Variants in ADAT1 observed in about 807,000 individuals in gnomAD.
The protein encoded by ADAT1 is tRNA-specific adenosine deaminase 1.
A neutral mutation model predicts 58.6 loss-of-function variants in ADAT1; 58 were observed. The ratio of observed to expected loss-of-function variants is 0.99; its 90% confidence interval spans 0.80 to 1.23. The LOEUF (loss-of-function observed/expected upper bound fraction) is 1.23, where lower values mean the gene tolerates loss of function less well. Ranked by LOEUF, ADAT1 falls within the 50% of genes most tolerant of loss-of-function variation. The probability of loss-of-function intolerance (pLI) is 0.00; values close to 1 mark genes in which losing one functional copy is unlikely to be tolerated. For synonymous variants in ADAT1, 254 were observed against 220.8 expected, an observed-to-expected ratio of 1.15 and a Z score of -1.33; for missense variants, 741 against 608.6, an observed-to-expected ratio of 1.22 and a Z score of -2.29.
rs184232275 is a variant in ADAT1 at position 75,604,638 on chromosome 16, A to C, written c.1290-1467T>G. 1.6e-4 allele frequency among the ~76,000 whole-genome samples: 24 copies of C among 151,714 alleles called. No individual in the cohort carries two copies. In the East Asian group the frequency reaches 4.5e-3, roughly 28 times the overall value. On this transcript the variant is annotated intron_variant, in intron 8 of 9. Coordinates refer to ENST00000564657, the MANE Select transcript of ADAT1 (RefSeq NM_001324445.2). ...GGACTCGGGAAGAGTACTTAAATTT[A>C]TAAAGCGCAACTATAAAAAACCTAT...
intron 9 of ADAT1, among the ~76,000 whole-genome samples, chr16:75,601,162 G>A (rs1292891937): frequency 6.6e-6 from 1 of 152,046 alleles, no homozygotes; most frequent in Non-Finnish European, 1.5e-5. Flanking sequence ...CCAACATGGT[G>A]AAACCCCATC....
At chr16:75,604,468 T>TAC (rs2081314227) in intron 8 of ADAT1, among the ~76,000 whole-genome samples, 1 of 66,842 alleles carries the variant, frequency 1.5e-5, no homozygotes, top group Non-Finnish European at 2.4e-5. Flanking sequence ...TATATATATA[T>TAC]ATATATACAC....
chr16:75,618,130 A>AACCACT (rs1307811162), intron 4 of ADAT1, among the ~76,000 whole-genome samples: 1 of 148,258 alleles, frequency 6.7e-6, no homozygotes, highest in African/African-American at 2.5e-5. Context: ...AAAAAGAGAG[A>AACCACT]ACCACTAGTC....
At chr16:75,618,377 G>C (rs909484165) in intron 4 of ADAT1, among the ~76,000 whole-genome samples, 1 of 151,602 alleles carries the variant, frequency 6.6e-6, no homozygotes, top group Admixed American at 6.6e-5. Context: ...ATGGTGGCAC[G>C]GGCCTGTAGT....
At position 75,597,026 on chromosome 16, in the gene ADAT1, C is replaced by G. The variant is rs903394099; in HGVS notation, c.*3190G>C. 2 of 153,732 alleles carry G rather than the reference C, an allele frequency of 1.3e-5. No homozygotes were observed. Among genetic ancestry groups the G allele is most frequent in the African/African-American group, 4.8e-5 (2 of 41,424 alleles). 9.5% of individuals were successfully genotyped at this position (153,732 alleles called of 1,614,324 possible). The stretch of plus-strand genomic sequence containing the variant: ...AATGTTCAGAATAGACAAATCCAAA[C>G]AGACAGAAAGTAGATTACTGATTGC... On this transcript the variant is annotated 3_prime_UTR_variant, in exon 10 of 10. Transcript: ENST00000564657.
chr16:75,600,300 A>C lies in ADAT1; in HGVS notation c.1425T>G (p.Ser475=). The C allele has an allele frequency of 6.2e-7, 1 of 1,614,076 alleles. No homozygotes were observed. The highest frequency in any genetic ancestry group is 1.1e-5 in the South Asian group (1 of 91,080). The change falls in exon 10 of 10, where the codon TCT becomes TCG. Residue 475 remains serine, a synonymous_variant. Transcript: ENST00000564657. ...TYQEYKEAAS[S]YQEAWSTLRK... is the part of the protein sequence containing the mutation. ...GGAGTGTGCTCCAGGCTTCCTGGTA[A>C]GAGGACGCAGCCTCCTTGTACTCCT...
intron 6 of ADAT1, among the ~76,000 whole-genome samples, chr16:75,609,750 C>A (rs1395022725): frequency 8.5e-5 from 13 of 152,140 alleles, no homozygotes; most frequent in African/African-American, 3.1e-4. Flanking sequence ...GTTGCTCAGA[C>A]TGGAGTGCAG....
Position 75,604,488 on chromosome 16 carries a change from C to T in ADAT1, c.1290-1317G>A, listed in dbSNP as rs866926860. On this transcript the variant is annotated intron_variant, in intron 8 of 9. Coordinates refer to ENST00000564657, the MANE Select transcript of ADAT1 (RefSeq NM_001324445.2). ...ATATATATATATACACACACACACACACACACACACACACACACACACACA... is the reference window on the plus strand; with the variant it reads ...ATATATATATATACACACACACACATACACACACACACACACACACACACA... 2.7e-3 allele frequency among the ~76,000 whole-genome samples: 312 copies of T among 117,042 alleles called. 1 individual carries two copies. Among genetic ancestry groups the T allele is most frequent in the African/African-American group, 9.1e-3 (240 of 26,450 alleles). The allele number at this position is 117,042 out of a possible 152,430, so 76.8% of individuals were successfully genotyped here.
rs2151787667 is a variant in ADAT1, at chr16:75,620,757, A to T, written c.43T>A (p.Tyr15Asn). 1 of 1,614,192 alleles carries T rather than the reference A, an allele frequency of 6.2e-7. No individual in the cohort carries two copies. The highest frequency in any genetic ancestry group is 2.2e-5 in the East Asian group (1 of 44,880). ...DEIAQLCYEH[Y>N]GIRLPKKGKP... ...CCCTTCTTGGGCAGCCTGATCCCAT[A>T]GTGTTCATAGCATAGCTGAGCAATC... Residue 15 changes from tyrosine to asparagine, a missense_variant, in exon 2 of 10, where the codon TAT (tyrosine) becomes AAT (asparagine). Coordinates refer to ENST00000564657, the MANE Select transcript of ADAT1 (RefSeq NM_001324445.2).
rs1053254506 is a variant in ADAT1, at chr16:75,622,953, C to G, written c.-572G>C. On this transcript the variant is annotated 5_prime_UTR_variant, in exon 1 of 10. Transcript: ENST00000564657. ...AGCCTGGGTGGGACCCCGAGTCGGC[C>G]AGTTACAGGATAGGAGGTGCCAGGC... 2 of 152,318 alleles carry G rather than the reference C, an allele frequency of 1.3e-5. No homozygotes were observed. The highest frequency in any genetic ancestry group is 4.8e-5 in the African/African-American group (2 of 41,466). The allele number at this position is 152,318 out of a possible 1,614,324, so 9.4% of individuals were successfully genotyped here. A position where few individuals can be genotyped will look rare whatever the true frequency, so the allele number is the denominator to read the frequency against.
At chr16:75,600,398 C>A in intron 9 of ADAT1, 50 bp from the exon 10 acceptor site, 1 of 1,600,698 alleles carries the variant, frequency 6.2e-7, no homozygotes, top group Non-Finnish European at 8.5e-7. Flanking sequence ...AATAGCCCAC[C>A]CCAGGGGCCA....
chr16:75,615,243 T>G (rs2081663160), intron 5 of ADAT1, among the ~76,000 whole-genome samples: 1 of 151,250 alleles, frequency 6.6e-6, no homozygotes, highest in Non-Finnish European at 1.5e-5. Flanking sequence ...TCCTTTAAAG[T>G]GAAAGAAATT....
At chr16:75,609,070 C>T in intron 6 of ADAT1, 82 bp from the exon 7 acceptor site, 4 of 1,511,602 alleles carry the variant, frequency 2.6e-6, no homozygotes, top group Non-Finnish European at 3.6e-6. Flanking sequence ...CATCATCACC[C>T]CTGAGCCTTA....
intron 2 of ADAT1, 108 bp from the exon 3 acceptor site, chr16:75,620,442 A>C (rs761482559): frequency 5.5e-6 from 8 of 1,450,864 alleles, no homozygotes; most frequent in Non-Finnish European, 7.7e-6. Context: ...AGGCCCACTC[A>C]ACCAAGGTCT....
chr16:75,603,764 T>C (rs909668884), intron 8 of ADAT1, among the ~76,000 whole-genome samples: 8 of 152,188 alleles, frequency 5.3e-5, no homozygotes, highest in Admixed American at 4.6e-4. Flanking sequence ...TTCTTTTCCC[T>C]CATGTATACA....
At chr16:75,613,598 A>G (rs1219947054) in intron 5 of ADAT1, among the ~76,000 whole-genome samples, 1 of 152,186 alleles carries the variant, frequency 6.6e-6, no homozygotes, top group African/African-American at 2.4e-5. Flanking sequence ...GGTGTGAGCC[A>G]GCGTGCCCGG....
Position 75,612,581 on chromosome 16 carries a change from G to A in ADAT1, c.705C>T (p.Leu235=). The A allele has an allele frequency of 1.9e-6, 3 of 1,614,114 alleles. No individual in the cohort carries two copies. In the South Asian group the frequency reaches 3.3e-5, roughly 18 times the overall value. Residue 235 remains leucine, a synonymous_variant, in exon 6 of 10, where the codon CTC becomes CTT. Transcript: ENST00000564657. The part of the protein sequence containing the change: ...PISPGIHSCD[L]TVEGLATVTR... The stretch of plus-strand genomic sequence containing the variant: ...TGACAGTAGCCAGTCCCTCTACAGT[G>A]AGATCACAGCTGTGGATGCCTGGTG...
At chr16:75,605,532 C>T (rs986296187) in intron 8 of ADAT1, among the ~76,000 whole-genome samples, 4 of 152,052 alleles carry the variant, frequency 2.6e-5, no homozygotes, top group African/African-American at 9.7e-5. Flanking sequence ...GATGTTTTTG[C>T]AGAGCCAAAA....
chr16:75,605,643 A>G (rs2081348343), intron 8 of ADAT1, among the ~76,000 whole-genome samples: 1 of 151,946 alleles, frequency 6.6e-6, no homozygotes, highest in South Asian at 2.1e-4. Context: ...CATTTAAAAA[A>G]TCCCGAAAAA....
Sources: gnomAD v4.1 joint callset for allele counts (sites outside exome capture counted in the v4.1 genomes callset) on GRCh38, gnomAD v4.1.1 for gene constraint, MANE v1.5 for transcripts, NCBI Gene and HGNC (gene_info 2026-07-23, HGNC 2026-07-21) for gene names.